The following GLIPR1 variants were observed in gnomAD, a reference collection of about 807,000 sequenced individuals.
GLIPR1 encodes the protein glioma pathogenesis-related protein 1.
Under a neutral mutation model 30.3 loss-of-function variants are expected in GLIPR1, and 38 were observed. The ratio of observed to expected loss-of-function variants is 1.26; its 90% CI spans 0.97 to 1.65. The LOEUF is 1.65. Among genes scored for constraint, GLIPR1 ranks in the 40% most tolerant of loss-of-function variants. The probability of loss-of-function intolerance (pLI) is 0.00; values close to 1 mark genes in which losing one functional copy is unlikely to be tolerated. For synonymous variants in GLIPR1, 122 were observed against 110.6 expected, an observed-to-expected ratio of 1.10 and a Z score of -0.65; for missense variants, 285 against 326.5, an observed-to-expected ratio of 0.87 and a Z score of 0.98.
Position 75,500,210 on chromosome 12 carries a change from G to A in GLIPR1, c.*1232G>A. 8.6e-6 allele frequency: 2 copies of A among 231,732 alleles called. No individual in the cohort carries two copies. The highest frequency in any genetic ancestry group is 1.6e-5 in the Non-Finnish European group (2 of 121,558). 14.4% of individuals were successfully genotyped at this position (231,732 alleles called of 1,614,324 possible). A position where few individuals can be genotyped will look rare whatever the true frequency, so the allele number is the denominator to read the frequency against. ...AGTATACATAAAAATGGCATAAATG[G>A]CATAATTGAACCAATTACTGGATTC... is the stretch of plus-strand genomic sequence containing the variant. On this transcript the variant is annotated 3_prime_UTR_variant, in exon 6 of 6. Coordinates refer to ENST00000266659, the MANE Select transcript of GLIPR1 (RefSeq NM_006851.3).
intron 2 of GLIPR1, chr12:75,487,900 G>A: frequency 1.4e-5 from 5 of 349,562 alleles, no homozygotes; most frequent in Non-Finnish European, 1.7e-5. Context: ...GAGGGCTGCT[G>A]GTTGCCCATT....
rs1245384061 is a variant in GLIPR1 at position 75,499,065 on chromosome 12, T to G, written c.*87T>G. On this transcript the variant is annotated 3_prime_UTR_variant, in exon 6 of 6. Transcript: ENST00000266659. ...CCAATAACAATTAGGTGTACTTCTATTTTAAAACATTTCAGAAAAAAATAT... is the reference window on the plus strand; with the variant it reads ...CCAATAACAATTAGGTGTACTTCTAGTTTAAAACATTTCAGAAAAAAATAT... 1.8e-5 allele frequency: 14 copies of G among 792,634 alleles called. No individual in the cohort carries two copies. The East Asian group carries it at 3.9e-4, about 22-fold the overall frequency. 49.1% of individuals were successfully genotyped at this position (792,634 alleles called of 1,614,324 possible).
rs1163775277 is a variant in GLIPR1, at chr12:75,501,686, TAATTAATA to T, written c.*2711_*2718del. ...AAATTTATTATGGGTTTACTTTTCC[TAATTAATA>T]AAGACTTTTACATCATAGAAAGCAT... On this transcript the variant is annotated 3_prime_UTR_variant, in exon 6 of 6. Coordinates refer to ENST00000266659, the MANE Select transcript of GLIPR1 (RefSeq NM_006851.3). 4 of 1,350,378 alleles carry T rather than the reference TAATTAATA, an allele frequency of 3.0e-6. No homozygotes were observed. The highest frequency in any genetic ancestry group is 3.8e-5 in the Admixed American group (2 of 52,642). The allele number at this position is 1,350,378 out of a possible 1,614,324, so 83.6% of individuals were successfully genotyped here.
At chr12:75,487,592 C>T (rs1247065802) in intron 2 of GLIPR1, 1 of 342,326 alleles carries the variant, frequency 2.9e-6, no homozygotes, top group Non-Finnish European at 5.9e-6. Flanking sequence ...GTACCCTCTC[C>T]AGTTGCCAAA....
chr12:75,480,817 C>T lies in GLIPR1; in HGVS notation c.-64C>T. ...GCTGTGGGCTGAGCACTCAGGCAATCACACTCTCAGAAACTGCGGCGGCTC... is the reference window on the plus strand; with the variant it reads ...GCTGTGGGCTGAGCACTCAGGCAATTACACTCTCAGAAACTGCGGCGGCTC... On this transcript the variant is annotated 5_prime_UTR_variant, in exon 1 of 6. Coordinates refer to ENST00000266659, the MANE Select transcript of GLIPR1 (RefSeq NM_006851.3). The T allele has an allele frequency of 2.3e-6, 3 of 1,323,076 alleles. No individual in the cohort carries two copies. Among genetic ancestry groups the T allele is most frequent in the Non-Finnish European group, 3.2e-6 (3 of 946,852 alleles). 82.0% of individuals were successfully genotyped at this position (1,323,076 alleles called of 1,614,324 possible).
intron 3 of GLIPR1, chr12:75,492,445 T>C (rs2046328871): frequency 6.6e-6 from 1 of 152,206 alleles, no homozygotes. Flanking sequence ...ACAAGTTAAC[T>C]CTGAATCTCA....
chr12:75,498,883 C>A lies in GLIPR1; in HGVS notation c.706C>A (p.Leu236Ile). 6.2e-7 allele frequency: 1 copy of A among 1,610,532 alleles called. No individual in the cohort carries two copies. Among genetic ancestry groups the A allele is most frequent in the Non-Finnish European group, 8.5e-7 (1 of 1,177,032 alleles). ...ATATCCACGTAACAGATACACTTCT[C>A]TCTTTCTCATTGTTAATTCAGTAAT... ...PIYPRNRYTS[L>I]FLIVNSVILI... Residue 236 changes from leucine (L) to isoleucine (I), a missense_variant, in exon 6 of 6, where the codon CTC becomes ATC. Leu to Ile is a conservative substitution (Grantham distance 5). Coordinates refer to ENST00000266659, the MANE Select transcript of GLIPR1 (RefSeq NM_006851.3).
chr12:75,481,359 T>A, intron 1 of GLIPR1: 1 of 17,790 alleles, frequency 5.6e-5, no homozygotes, highest in Non-Finnish European at 1.3e-4. Flanking sequence ...TTGGTTTTCT[T>A]TTTTTTTTTT....
In GLIPR1 at chr12:75,481,871, G is replaced by A; in HGVS notation, c.212G>A (p.Trp71Ter). Reference sequence around the variant, plus strand: ...GCACTAGCCCAAATTGCAAAAGCATGGGCCAGCAATTGCCAGTTTTCACAT... The same window carrying A: ...GCACTAGCCCAAATTGCAAAAGCATAGGCCAGCAATTGCCAGTTTTCACAT... ...DPALAQIAKA[W>*]ASNCQFSHNT... is the part of the protein sequence containing the mutation. The change falls in exon 2 of 6, where the codon TGG (tryptophan) becomes TAG (stop). Residue 71 changes from tryptophan (W) to a stop codon, truncating the protein, a stop_gained. Transcript: ENST00000266659. LOFTEE classifies it high-confidence loss of function. 6.2e-7 allele frequency: 1 copy of A among 1,614,076 alleles called. No homozygotes were observed. Among genetic ancestry groups the A allele is most frequent in the Non-Finnish European group, 8.5e-7 (1 of 1,179,964 alleles).
At chr12:75,488,551 CAAAA>C (rs909957737) in intron 2 of GLIPR1, among the ~76,000 whole-genome samples, 1 of 151,654 alleles carries the variant, frequency 6.6e-6, no homozygotes, top group Non-Finnish European at 1.5e-5. Flanking sequence ...AACAAACAAA[CAAAA>C]AAACAAAACC....
At position 75,499,080 on chromosome 12, in the gene GLIPR1, GA is replaced by G. The variant is rs1385752791; in HGVS notation, c.*109del. On this transcript the variant is annotated 3_prime_UTR_variant, in exon 6 of 6. Coordinates refer to ENST00000266659, the MANE Select transcript of GLIPR1 (RefSeq NM_006851.3). ...TGTACTTCTATTTTAAAACATTTCA[GA>G]AAAAAATATATGTTATAGCAATACT... 2 of 679,960 alleles carry G rather than the reference GA, an allele frequency of 2.9e-6. No homozygotes were observed. Among genetic ancestry groups the G allele is most frequent in the South Asian group, 2.6e-5 (1 of 38,162 alleles). The allele number at this position is 679,960 out of a possible 1,614,324, so 42.1% of individuals were successfully genotyped here.
Position 75,502,279 on chromosome 12 carries a change from A to T in GLIPR1, c.*3301A>T. 1 of 279,788 alleles carries T rather than the reference A, an allele frequency of 3.6e-6. No homozygotes were observed. The highest frequency in any genetic ancestry group is 6.7e-6 in the Non-Finnish European group (1 of 150,350). 17.3% of individuals were successfully genotyped at this position (279,788 alleles called of 1,614,324 possible). A position where few individuals can be genotyped will look rare whatever the true frequency, so the allele number is the denominator to read the frequency against. ...AAAAGTGTGAGAAGAAACTGGAGAG[A>T]GAGTTTTGGGGAAAATTTGAAGAAG... On this transcript the variant is annotated 3_prime_UTR_variant, in exon 6 of 6. Transcript: ENST00000266659.
intron 3 of GLIPR1, chr12:75,491,583 C>G (rs1258821283): frequency 6.6e-6 from 1 of 152,112 alleles, no homozygotes; most frequent in Non-Finnish European, 1.5e-5. Flanking sequence ...TTACATTCCA[C>G]CATTATATCA....
chr12:75,500,449 A>G lies in GLIPR1; in HGVS notation c.*1471A>G, dbSNP rs1393471256. 1 of 151,794 alleles carries G rather than the reference A, an allele frequency of 6.6e-6. No individual in the cohort carries two copies. Among genetic ancestry groups the G allele is most frequent in the East Asian group, 1.9e-4 (1 of 5,174 alleles). 9.4% of individuals were successfully genotyped at this position (151,794 alleles called of 1,614,324 possible). A position where few individuals can be genotyped will look rare whatever the true frequency, so the allele number is the denominator to read the frequency against. On this transcript the variant is annotated 3_prime_UTR_variant, in exon 6 of 6. Transcript: ENST00000266659. ...CTCTAATATCAAAACGAAAATTTAA[A>G]GTTTTCCAAATATTAATTCAATATT...
rs779545806 is a variant in GLIPR1, at chr12:75,498,841, T to C, written c.664T>C (p.Tyr222His). The C allele has an allele frequency of 1.1e-5, 18 of 1,612,786 alleles. No homozygotes were observed. Among genetic ancestry groups the C allele is most frequent in the East Asian group, 2.2e-5 (1 of 44,816 alleles). ...DQVKRYYSVV[Y>H]PGWPIYPRNR... ...TTTCACAGGTTACTACTCTGTTGTA[T>C]ATCCAGGCTGGCCCATATATCCACG... The change falls in exon 6 of 6, where the codon TAT becomes CAT. Residue 222 changes from tyrosine to histidine, a missense_variant. Tyr to His is a moderately conservative substitution (Grantham distance 83). Coordinates refer to ENST00000266659, the MANE Select transcript of GLIPR1 (RefSeq NM_006851.3).
rs554528562 is a variant in GLIPR1, at chr12:75,498,844, C to T, written c.667C>T (p.Pro223Ser). Residue 223 changes from proline to serine, a missense_variant, in exon 6 of 6, where the codon CCA becomes TCA. Physicochemically the swap from Pro to Ser is moderately conservative, Grantham distance 74. Transcript: ENST00000266659. Reference protein sequence around the residue: ...QVKRYYSVVYPGWPIYPRNRY... With the variant: ...QVKRYYSVVYSGWPIYPRNRY... ...CACAGGTTACTACTCTGTTGTATAT[C>T]CAGGCTGGCCCATATATCCACGTAA... The T allele has an allele frequency of 1.0e-4, 162 of 1,612,182 alleles. 1 individual carries two copies. In the East Asian group the frequency reaches 3.5e-3, roughly 34 times the overall value.
At chr12:75,483,400 C>A (rs1163695637) in intron 2 of GLIPR1, 1 of 152,146 alleles carries the variant, frequency 6.6e-6, no homozygotes, top group Non-Finnish European at 1.5e-5. Context: ...CTATAACAGG[C>A]ACTAGTGATA....
At chr12:75,490,950 T>A (rs894996888) in intron 3 of GLIPR1, 1 of 154,090 alleles carries the variant, frequency 6.5e-6, no homozygotes, top group African/African-American at 2.4e-5. Context: ...CCTATTTCAT[T>A]TACTTTTGAC....
Position 75,500,928 on chromosome 12 carries a change from T to A in GLIPR1, c.*1950T>A, listed in dbSNP as rs1311332776. 2 of 152,058 alleles carry A rather than the reference T, an allele frequency of 1.3e-5. No individual in the cohort carries two copies. Among genetic ancestry groups the A allele is most frequent in the African/African-American group, 4.8e-5 (2 of 41,418 alleles). 9.4% of individuals were successfully genotyped at this position (152,058 alleles called of 1,614,324 possible). On this transcript the variant is annotated 3_prime_UTR_variant, in exon 6 of 6. Coordinates refer to ENST00000266659, the MANE Select transcript of GLIPR1 (RefSeq NM_006851.3). ...TTATAATACTTATGACATTTCTACC[T>A]TTTATATAACCAATAATCTACCATA...
Sources: gnomAD v4.1 joint callset for allele counts (sites outside exome capture counted in the v4.1 genomes callset) on GRCh38, gnomAD v4.1.1 for gene constraint, MANE v1.5 for transcripts, NCBI Gene and HGNC (gene_info 2026-07-23, HGNC 2026-07-21) for gene names.